Variants in VPS51 observed in about 807,000 individuals in gnomAD.
The protein encoded by VPS51 is VPS51 subunit of GARP complex.
A neutral mutation model predicts 65.1 loss-of-function variants in VPS51; 55 were observed. The ratio of observed to expected loss-of-function variants is 0.84; its 90% CI spans 0.68 to 1.06. The LOEUF (loss-of-function observed/expected upper bound fraction) is 1.06, where lower values mean the gene tolerates loss of function less well. Among genes scored for constraint, VPS51 ranks in the 50% least tolerant of loss-of-function variants. The pLI, the probability that VPS51 is intolerant of heterozygous loss-of-function variation, is 0.00. For missense variants in VPS51, 943 were observed against 1,101.6 expected (o/e 0.86, Z 2.04); for synonymous variants, 473 against 489.5 (o/e 0.97, Z 0.44).
At chr11:65,100,372 A>T (rs1430522309) in intron 2 of VPS51, among the ~76,000 whole-genome samples, 2 of 152,166 alleles carry the variant, frequency 1.3e-5, no homozygotes. Flanking sequence ...TCCAAACCAC[A>T]AAATGCTGCA....
In VPS51 at chr11:65,111,589, C is replaced by T. The variant is rs1479925281; in HGVS notation, c.*2C>T. ...GAGGTCATCTGCGAGCGCGGCTAGG[C>T]GCAGCCGCTGCCATGCACCGGTCTG... On this transcript the variant is annotated 3_prime_UTR_variant, in exon 10 of 10. Coordinates refer to ENST00000279281, the MANE Select transcript of VPS51 (RefSeq NM_013265.4). The T allele has an allele frequency of 1.2e-6, 2 of 1,600,466 alleles. No individual in the cohort carries two copies. The highest frequency in any genetic ancestry group is 1.7e-6 in the Non-Finnish European group (2 of 1,178,088).
chr11:65,107,367 G>A lies in VPS51; in HGVS notation c.359-214G>A, dbSNP rs1378278892. 1.6e-6 allele frequency: 1 copy of A among 640,712 alleles called. No homozygotes were observed. The highest frequency in any genetic ancestry group is 2.5e-5 in the Admixed American group (1 of 40,516). The allele number at this position is 640,712 out of a possible 1,614,324, so 39.7% of individuals were successfully genotyped here. ...GGCACCAGGGTTAGGGGGTTACGGG[G>A]AGTATGTGAGTAACGCCTGCTTTGG... On this transcript the variant is annotated intron_variant, in intron 2 of 9. Coordinates refer to ENST00000279281, the MANE Select transcript of VPS51 (RefSeq NM_013265.4). The surrounding 1 kb of genome is among the most constrained non-coding windows in gnomAD (Gnocchi z 4.0).
chr11:65,108,846 G>A lies in VPS51; in HGVS notation c.1375G>A (p.Ala459Thr). 6.2e-7 allele frequency: 1 copy of A among 1,613,032 alleles called. No individual in the cohort carries two copies. Among genetic ancestry groups the A allele is most frequent in the South Asian group, 1.1e-5 (1 of 91,092 alleles). ...CAGCTCCATCCTGAGCCACATTAAGGCCTCTCTGGCAGCAGTGCACCTTTT... is the reference window on the plus strand; with the variant it reads ...CAGCTCCATCCTGAGCCACATTAAGACCTCTCTGGCAGCAGTGCACCTTTT... ...VASSILSHIK[A>T]SLAAVHLFTA... is the part of the protein sequence containing the mutation. Residue 459 changes from alanine (A) to threonine (T), a missense_variant, in exon 5 of 10, where the codon GCC becomes ACC. By Grantham distance (58) the Ala-to-Thr change is moderately conservative (BLOSUM62 0). Around this residue, in one of 2 missense-constraint regions of VPS51, gnomAD observed 855 missense variants for 953.7 expected, o/e 0.90. Coordinates refer to ENST00000279281, the MANE Select transcript of VPS51 (RefSeq NM_013265.4).
intron 2 of VPS51, among the ~76,000 whole-genome samples, chr11:65,099,648 G>T (rs965263855): frequency 3.3e-5 from 5 of 151,932 alleles, no homozygotes; most frequent in Non-Finnish European, 7.4e-5. Context: ...AAAATAGCTG[G>T]GTATGGTGGC....
At chr11:65,099,330 G>A (rs933929233) in intron 2 of VPS51, among the ~76,000 whole-genome samples, 9 of 152,204 alleles carry the variant, frequency 5.9e-5, no homozygotes, top group African/African-American at 2.2e-4. Context: ...ATCTATGGTA[G>A]CAGGAGGGGA....
chr11:65,102,287 G>C (rs149332981), intron 2 of VPS51, among the ~76,000 whole-genome samples: 5 of 152,172 alleles, frequency 3.3e-5, no homozygotes, highest in African/African-American at 4.8e-5. Flanking sequence ...GGTTACAGGC[G>C]TGAGCCACTG....
chr11:65,104,079 C>T (rs1211868784), intron 2 of VPS51, among the ~76,000 whole-genome samples: 1 of 152,100 alleles, frequency 6.6e-6, no homozygotes, highest in East Asian at 1.9e-4. Flanking sequence ...CAGGCACCTG[C>T]CACCACGCCC....
intron 2 of VPS51, among the ~76,000 whole-genome samples, chr11:65,101,716 T>C (rs1461535951): frequency 7.1e-6 from 1 of 140,708 alleles, no homozygotes; most frequent in Non-Finnish European, 1.5e-5. Flanking sequence ...TAAGCCAAGA[T>C]TGTGTCACTG....
At chr11:65,108,114 C>A in intron 4 of VPS51, 83 bp from the exon 5 acceptor site, 1 of 1,538,682 alleles carries the variant, frequency 6.5e-7, no homozygotes, top group East Asian at 2.4e-5. Flanking sequence ...TGTCCCCCTG[C>A]CCTGTGTGTG....
chr11:65,107,399 A>G lies in VPS51; in HGVS notation c.359-182A>G. On this transcript the variant is annotated intron_variant, in intron 2 of 9. Transcript: ENST00000279281. This position sits in a 1 kb window ranked among gnomAD's most constrained non-coding sequence, Gnocchi z 4.0. ...TGAGTAACGCCTGCTTTGGGAACAT[A>G]AACCCCCTCCCCCGCCCCCATGTGC... 1.4e-6 allele frequency: 1 copy of G among 703,850 alleles called. No individual in the cohort carries two copies. The highest frequency in any genetic ancestry group is 2.4e-6 in the Non-Finnish European group (1 of 422,858). The allele number at this position is 703,850 out of a possible 1,614,324, so 43.6% of individuals were successfully genotyped here.
chr11:65,096,834 C>G, intron 1 of VPS51, 164 bp from the exon 2 acceptor site: 2 of 1,069,424 alleles, frequency 1.9e-6, no homozygotes, highest in Non-Finnish European at 2.7e-6. Context: ...AACCCCTGAG[C>G]TAGGCCACTT....
chr11:65,096,855 GC>G (rs1390082253), intron 1 of VPS51, 142 bp from the exon 2 acceptor site: 25 of 1,316,558 alleles, frequency 1.9e-5, no homozygotes, highest in Non-Finnish European at 2.3e-5. Flanking sequence ...AGGGCCCCCT[GC>G]CTGGGATTCC....
At chr11:65,106,227 TG>T (rs2137187691) in intron 2 of VPS51, among the ~76,000 whole-genome samples, 1 of 152,356 alleles carries the variant, frequency 6.6e-6, no homozygotes, top group East Asian at 1.9e-4. Context: ...GACTTGGTAA[TG>T]GATTGATTAC....
In VPS51 at chr11:65,111,719, C is replaced by T. The variant is rs1590815227; in HGVS notation, c.*132C>T. ...ATGTGTGGCCTCCTCCTCTCGCTTG[C>T]TGGGCGGGCCTTTCCGGGGGCGGGG... On this transcript the variant is annotated 3_prime_UTR_variant, in exon 10 of 10. Transcript: ENST00000279281. 9 of 1,373,578 alleles carry T rather than the reference C, an allele frequency of 6.6e-6. No homozygotes were observed. In the East Asian group the frequency reaches 1.8e-4, roughly 27 times the overall value. The allele number at this position is 1,373,578 out of a possible 1,614,324, so 85.1% of individuals were successfully genotyped here.
In VPS51 at chr11:65,109,334, T is replaced by G. The variant is rs751920230; in HGVS notation, c.1498T>G (p.Ser500Ala). Reference sequence around the variant, plus strand: ...GGGCCTCATCGTGGGCTTCGTCCACTCTATGTGCCAGACGGCTCAGAGCTT... The same window carrying G: ...GGGCCTCATCGTGGGCTTCGTCCACGCTATGTGCCAGACGGCTCAGAGCTT... ...REGLIVGFVH[S>A]MCQTAQSFCD... The change falls in exon 6 of 10, where the codon TCT becomes GCT. Residue 500 changes from serine (S) to alanine (A), a missense_variant. Physicochemically the swap from Ser to Ala is moderately conservative, Grantham distance 99. This residue lies in a region of VPS51 where 855 missense variants were observed against 953.7 expected (regional missense o/e 0.90). Transcript: ENST00000279281. 2 of 1,613,540 alleles carry G rather than the reference T, an allele frequency of 1.2e-6. No homozygotes were observed. Among genetic ancestry groups the G allele is most frequent in the Admixed American group, 3.3e-5 (2 of 59,998 alleles).
At position 65,108,748 on chromosome 11, in the gene VPS51, G is replaced by A. The variant is rs1947864647; in HGVS notation, c.1277G>A (p.Arg426His). ...TTCCTGGGCTGCCTGACAGACGTCC[G>A]CCAGGCGCTGGCAGCACCTCGCGTG... ...AAFLGCLTDV[R>H]QALAAPRVAG... Residue 426 changes from arginine (R) to histidine (H), a missense_variant, in exon 5 of 10, where the codon CGC becomes CAC. By Grantham distance (29) the Arg-to-His change is conservative (BLOSUM62 0). Around this residue, in one of 2 missense-constraint regions of VPS51, gnomAD observed 855 missense variants for 953.7 expected, o/e 0.90. Transcript: ENST00000279281. 6.2e-7 allele frequency: 1 copy of A among 1,611,570 alleles called. No homozygotes were observed. Among genetic ancestry groups the A allele is most frequent in the Non-Finnish European group, 8.5e-7 (1 of 1,179,788 alleles).
At chr11:65,104,271 C>T (rs1216346412) in intron 2 of VPS51, among the ~76,000 whole-genome samples, 3 of 152,184 alleles carry the variant, frequency 2.0e-5, no homozygotes, top group African/African-American at 7.2e-5. Flanking sequence ...ATACTTCTCC[C>T]TCCTTTCCAA....
intron 6 of VPS51, 26 bp from the exon 7 acceptor site, chr11:65,109,679 C>G: frequency 1.9e-6 from 3 of 1,543,998 alleles, no homozygotes; most frequent in African/African-American, 2.7e-5. Flanking sequence ...TACCCACTCC[C>G]TCTGTCCTCT....
At chr11:65,102,588 C>T (rs1403021866) in intron 2 of VPS51, among the ~76,000 whole-genome samples, 4 of 152,218 alleles carry the variant, frequency 2.6e-5, no homozygotes, top group Non-Finnish European at 5.9e-5. Context: ...CAAACACCCA[C>T]TACCAAAAGA....
Sources: gnomAD v4.1 joint callset for allele counts (sites outside exome capture counted in the v4.1 genomes callset) on GRCh38, gnomAD v4.1.1 for gene constraint, gnomAD v4.1.1 regional missense constraint, Gnocchi (gnomAD v3.1) non-coding constraint, MANE v1.5 for transcripts, NCBI Gene and HGNC (gene_info 2026-07-23, HGNC 2026-07-21) for gene names.